NLK: variants seen among roughly 807,000 people sequenced by gnomAD.
NLK encodes nemo like kinase, also known as serine/threonine-protein kinase NLK.
Under a neutral mutation model 59.0 loss-of-function variants are expected in NLK, and 11 were observed. That is an observed-to-expected ratio of 0.19 (90% confidence interval 0.12 to 0.31). The LOEUF (loss-of-function observed/expected upper bound fraction) is 0.31. NLK is among the 10% of genes least tolerant of loss of function. NLK has a pLI of 1.00. For missense variants in NLK, 410 were observed against 661.1 expected, an observed-to-expected ratio of 0.62 and a Z score of 4.16; for synonymous variants, 235 against 235.9, an observed-to-expected ratio of 1.00 and a Z score of 0.03.
chr17:28,151,939 GAA>G (rs1907498534), intron 3 of NLK, among the ~76,000 whole-genome samples: 1 of 152,212 alleles, frequency 6.6e-6, no homozygotes, highest in African/African-American at 2.4e-5. Context: ...GTCTTAGTAT[GAA>G]GGAATTGACT....
chr17:28,126,672 C>T (rs1210817055), intron 2 of NLK, among the ~76,000 whole-genome samples: 1 of 152,098 alleles, frequency 6.6e-6, no homozygotes, highest in Non-Finnish European at 1.5e-5. Flanking sequence ...TTTCAGGTGA[C>T]CTGACTGAAT....
In NLK at chr17:28,192,395, G is replaced by A. The variant is rs542027906; in HGVS notation, c.1529+182G>A. Among the ~76,000 whole-genome samples, 10 of 152,268 alleles carry A rather than the reference G, an allele frequency of 6.6e-5. No individual in the cohort carries two copies. The South Asian group carries it at 1.7e-3, about 25-fold the overall frequency. Reference sequence around the variant, plus strand: ...AAAACTGTAAGCATCTGGGCTGGGCGCGGTAGCTCATGCCTGTAATCCCAG... The same window carrying A: ...AAAACTGTAAGCATCTGGGCTGGGCACGGTAGCTCATGCCTGTAATCCCAG... On this transcript the variant is annotated intron_variant, in intron 10 of 10. Transcript: ENST00000407008.
intron 1 of NLK, among the ~76,000 whole-genome samples, chr17:28,050,983 G>A (rs562064120): frequency 1.3e-5 from 2 of 151,142 alleles, no homozygotes; most frequent in East Asian, 2.0e-4. Context: ...GTGGTGGCAC[G>A]CACCTGTAGT....
At chr17:28,192,643 A>G (rs1458301006) in intron 10 of NLK, among the ~76,000 whole-genome samples, 1 of 151,912 alleles carries the variant, frequency 6.6e-6, no homozygotes, top group Non-Finnish European at 1.5e-5. Context: ...ACTCCAGCCT[A>G]GGCAACAAGA....
intron 1 of NLK, among the ~76,000 whole-genome samples, chr17:28,091,498 CACAT>C (rs1201018633): frequency 2.0e-5 from 3 of 151,136 alleles, no homozygotes; most frequent in Non-Finnish European, 4.4e-5. Flanking sequence ...TATACACACA[CACAT>C]ATATAAAATC....
At chr17:28,143,101 T>C (rs1010778027) in intron 3 of NLK, among the ~76,000 whole-genome samples, 10 of 150,496 alleles carry the variant, frequency 6.6e-5, no homozygotes, top group Admixed American at 4.7e-4. Flanking sequence ...AGAAGTACAA[T>C]GGCATGATCT....
rs558428560 is a variant in NLK, at chr17:28,099,846, G to A, written c.459-22757G>A. Among the ~76,000 whole-genome samples, 12 of 152,150 alleles carry A rather than the reference G, an allele frequency of 7.9e-5. No homozygotes were observed. In the East Asian group the frequency reaches 2.3e-3, roughly 29 times the overall value. The stretch of plus-strand genomic sequence containing the variant: ...ACCCGCCTCGGCCTCCCAAAGTGCT[G>A]GGATTACAGGCGTGAGCCACCGCGC... On this transcript the variant is annotated intron_variant, in intron 1 of 10. Coordinates refer to ENST00000407008, the MANE Select transcript of NLK (RefSeq NM_016231.5).
At chr17:28,198,975 T>G (rs890132742), downstream of NLK, among the ~76,000 whole-genome samples, 6 of 152,296 alleles carry the variant, frequency 3.9e-5, no homozygotes, top group Middle Eastern at 3.4e-3. Context: ...GTGTCTGTCT[T>G]AAAATTGAGA....
chr17:28,076,397 G>A (rs137905667), intron 1 of NLK, among the ~76,000 whole-genome samples: 51 of 152,090 alleles, frequency 3.4e-4, no homozygotes, highest in Non-Finnish European at 6.6e-4. Context: ...CAGGTCTTTG[G>A]GGCCTCTTTT....
At chr17:28,187,697 G>T (rs866750095) in intron 8 of NLK, among the ~76,000 whole-genome samples, 2 of 152,318 alleles carry the variant, frequency 1.3e-5, no homozygotes, top group Middle Eastern at 3.4e-3. Flanking sequence ...CAAGTAGTAA[G>T]CCCATTTTTC....
At chr17:28,051,079 C>CAA (rs564894359) in intron 1 of NLK, among the ~76,000 whole-genome samples, 14 of 63,384 alleles carry the variant, frequency 2.2e-4, no homozygotes, top group African/African-American at 4.7e-4. Flanking sequence ...GAACCTGTCT[C>CAA]AAAAAAAAAA....
intron 1 of NLK, among the ~76,000 whole-genome samples, chr17:28,095,422 T>C (rs1349499846): frequency 2.6e-5 from 4 of 152,156 alleles, no homozygotes; most frequent in African/African-American, 9.7e-5. Context: ...TGTATTACTT[T>C]CTAAAAAAAA....
At chr17:28,138,362 G>A (rs114641420) in intron 3 of NLK, among the ~76,000 whole-genome samples, 1,665 of 152,296 alleles carry the variant, frequency 0.011, 38 homozygotes, top group African/African-American at 0.038. Flanking sequence ...GTCCGTACAC[G>A]CTGGTTTGTT....
At chr17:28,050,639 G>A (rs968368705) in intron 1 of NLK, among the ~76,000 whole-genome samples, 2 of 152,006 alleles carry the variant, frequency 1.3e-5, no homozygotes, top group African/African-American at 2.4e-5. Flanking sequence ...AAATAGAAGA[G>A]TAGAGAGAAC....
intron 3 of NLK, among the ~76,000 whole-genome samples, chr17:28,151,292 C>G (rs148407802): frequency 6.6e-6 from 1 of 152,068 alleles, no homozygotes; most frequent in Non-Finnish European, 1.5e-5. Context: ...AAGCAAAAAC[C>G]GTATCATAAG....
At chr17:28,084,816 C>G (rs1359400577) in intron 1 of NLK, among the ~76,000 whole-genome samples, 1 of 152,214 alleles carries the variant, frequency 6.6e-6, no homozygotes, top group Non-Finnish European at 1.5e-5. Flanking sequence ...CCCGCTTTGG[C>G]CTTCCAAAGT....
intron 1 of NLK, among the ~76,000 whole-genome samples, chr17:28,091,193 C>T (rs1470803387): frequency 6.6e-6 from 1 of 152,038 alleles, no homozygotes; most frequent in African/African-American, 2.4e-5. Context: ...CAGTGTGAGC[C>T]ATTTATGTAA....
Position 28,195,403 on chromosome 17 carries a change from T to C in NLK, c.*767T>C, listed in dbSNP as rs1272626069. ...AAGAACCCCAAGCATGCATCTTTCATGTGTGTAAATAATTCATTTCTGGGC... is the reference window on the plus strand; with the variant it reads ...AAGAACCCCAAGCATGCATCTTTCACGTGTGTAAATAATTCATTTCTGGGC... On this transcript the variant is annotated 3_prime_UTR_variant, in exon 11 of 11. Transcript: ENST00000407008. The C allele has an allele frequency of 6.6e-6, 1 of 152,362 alleles. No homozygotes were observed. Among genetic ancestry groups the C allele is most frequent in the Non-Finnish European group, 1.5e-5 (1 of 68,006 alleles). The allele number at this position is 152,362 out of a possible 1,614,324, so 9.4% of individuals were successfully genotyped here. A position where few individuals can be genotyped will look rare whatever the true frequency, so the allele number is the denominator to read the frequency against.
At chr17:28,098,524 T>A (rs1904782769) in intron 1 of NLK, among the ~76,000 whole-genome samples, 1 of 152,116 alleles carries the variant, frequency 6.6e-6, no homozygotes, top group Admixed American at 6.6e-5. Flanking sequence ...ATTGAGTACG[T>A]CTTTATTCAT....
Sources: gnomAD v4.1 joint callset for allele counts (sites outside exome capture counted in the v4.1 genomes callset) on GRCh38, gnomAD v4.1.1 for gene constraint, MANE v1.5 for transcripts, NCBI Gene and HGNC (gene_info 2026-07-23, HGNC 2026-07-21) for gene names.